AFDN: variants seen among roughly 807,000 people sequenced by gnomAD.
The protein encoded by AFDN is afadin.
Under a neutral mutation model 216.6 loss-of-function variants are expected in AFDN, and 68 were observed. The ratio of observed to expected loss-of-function variants is 0.31; its 90% CI spans 0.26 to 0.38. The LOEUF is 0.38. AFDN is among the 10% of genes least tolerant of loss of function. The pLI, the probability that AFDN is intolerant of heterozygous loss-of-function variation, is 1.00. For missense variants in AFDN, 2,136 were observed against 2,342.0 expected (o/e 0.91, Z 1.82); for synonymous variants, 868 against 853.7 (o/e 1.02, Z -0.29).
chr6:167,923,893 G>T (rs1401605092), intron 22 of AFDN, among the ~76,000 whole-genome samples: 1 of 151,940 alleles, frequency 6.6e-6, no homozygotes, highest in African/African-American at 2.4e-5. Context: ...CCAAAGTGCT[G>T]GGATTACAGG....
intron 2 of AFDN, among the ~76,000 whole-genome samples, chr6:167,867,574 C>T (rs1193618814): frequency 6.6e-6 from 1 of 151,824 alleles, no homozygotes; most frequent in Admixed American, 6.6e-5. Flanking sequence ...GGATTACAGG[C>T]GCCCGCCACC....
rs1794995984 is a variant in AFDN at position 167,944,078 on chromosome 6, A to G, written c.3358+19A>G. 6.3e-7 allele frequency: 1 copy of G among 1,589,258 alleles called. No individual in the cohort carries two copies. Among genetic ancestry groups the G allele is most frequent in the South Asian group, 1.1e-5 (1 of 90,486 alleles). On this transcript the variant is annotated intron_variant, in intron 26 of 33. Transcript: ENST00000683244. ...CAGAGAAGTAAGGACCAGTAGGGAA[A>G]CAACAGTGTTTTACAGTCATGGCCT...
At chr6:167,848,232 C>G (rs1781914728) in intron 1 of AFDN, among the ~76,000 whole-genome samples, 1 of 152,156 alleles carries the variant, frequency 6.6e-6, no homozygotes, top group South Asian at 2.1e-4. Flanking sequence ...AGCAGTGATT[C>G]AGGCATTACA....
intron 6 of AFDN, among the ~76,000 whole-genome samples, chr6:167,884,049 A>G (rs766287400): frequency 1.3e-4 from 20 of 152,230 alleles, no homozygotes; most frequent in Non-Finnish European, 1.8e-4. Context: ...TGTTCACAGC[A>G]TCTTCACCAG....
intron 30 of AFDN, among the ~76,000 whole-genome samples, chr6:167,956,114 CAAAAAAAAAAAAAA>C (rs59521151): frequency 3.4e-4 from 14 of 41,298 alleles, no homozygotes; most frequent in African/African-American, 8.2e-4. Context: ...GACTTTGGCT[CAAAAAAAAAAAAAA>C]AAAAAAAAAA....
At chr6:167,949,978 G>T (rs1165457711) in intron 29 of AFDN, among the ~76,000 whole-genome samples, 1 of 152,196 alleles carries the variant, frequency 6.6e-6, no homozygotes, top group Non-Finnish European at 1.5e-5. Context: ...GCCGGGGCCA[G>T]TGCAAAGTCT....
chr6:167,859,865 T>C (rs1267256376), intron 1 of AFDN, among the ~76,000 whole-genome samples: 1 of 152,050 alleles, frequency 6.6e-6, no homozygotes, highest in African/African-American at 2.4e-5. Context: ...TAAAGCAGTT[T>C]TTCTGTTTCA....
chr6:167,952,773 C>T (rs969358207), intron 30 of AFDN, among the ~76,000 whole-genome samples: 3 of 152,210 alleles, frequency 2.0e-5, no homozygotes, highest in African/African-American at 7.2e-5. Flanking sequence ...ATTACATTTA[C>T]AGTCATTACC....
intron 30 of AFDN, among the ~76,000 whole-genome samples, chr6:167,958,517 G>T (rs572169202): frequency 1.3e-5 from 2 of 152,310 alleles, no homozygotes; most frequent in East Asian, 3.9e-4. Context: ...GCTCAGGTTT[G>T]TCTTGTTAAC....
chr6:167,867,570 C>T (rs1188251954), intron 2 of AFDN, among the ~76,000 whole-genome samples: 1 of 151,888 alleles, frequency 6.6e-6, no homozygotes, highest in African/African-American at 2.4e-5. Context: ...GCTGGGATTA[C>T]AGGCGCCCGC....
chr6:167,951,246 C>G lies in AFDN; in HGVS notation c.3892C>G (p.Arg1298Gly), dbSNP rs531595476. 6.2e-7 allele frequency: 1 copy of G among 1,608,930 alleles called. No individual in the cohort carries two copies. Among genetic ancestry groups the G allele is most frequent in the African/African-American group, 1.3e-5 (1 of 74,774 alleles). ...TAAAGCTTACCAACTTGAGCGGCATCGAATAGAGGCAGCTATGGACCGAAA... is the reference window on the plus strand; with the variant it reads ...TAAAGCTTACCAACTTGAGCGGCATGGAATAGAGGCAGCTATGGACCGAAA... ...EDKAYQLERH[R>G]IEAAMDRKSD... The change falls in exon 30 of 34, where the codon CGA becomes GGA. Residue 1298 changes from arginine (R) to glycine (G), a missense_variant. Arg to Gly is a moderately radical substitution (Grantham distance 125, BLOSUM62 -2). Around this residue, in one of 8 missense-constraint regions of AFDN, gnomAD observed 981 missense variants for 966.0 expected, o/e 1.02. Coordinates refer to ENST00000683244, the MANE Select transcript of AFDN (RefSeq NM_001386888.1). This position sits in a 1 kb window ranked among gnomAD's most constrained non-coding sequence, Gnocchi z 7.1.
chr6:167,913,592 G>A (rs557454560), intron 16 of AFDN, 169 bp downstream of exon 16: 21 of 584,412 alleles, frequency 3.6e-5, no homozygotes, highest in East Asian at 1.8e-4. Flanking sequence ...AACCTTTATC[G>A]GCATTTCATA....
In AFDN at chr6:167,946,776, C is replaced by T. The variant is rs1362634097; in HGVS notation, c.3428C>T (p.Thr1143Ile). The change falls in exon 27 of 34, where the codon ACT becomes ATT. Residue 1143 changes from threonine to isoleucine, a missense_variant. Physicochemically the swap from Thr to Ile is moderately conservative, Grantham distance 89. Transcript: ENST00000683244. ...SEGFELYNNS[T>I]QNGSPESPQL... is the part of the protein sequence containing the mutation. Reference sequence around the variant, plus strand: ...GGCTTTGAGCTCTATAATAATTCAACTCAAAATGGGTCTCCTGAGAGTCCT... The same window carrying T: ...GGCTTTGAGCTCTATAATAATTCAATTCAAAATGGGTCTCCTGAGAGTCCT... 1.9e-6 allele frequency: 3 copies of T among 1,613,884 alleles called. No homozygotes were observed. In the East Asian group the frequency reaches 6.7e-5, roughly 36 times the overall value.
At position 167,962,410 on chromosome 6, in the gene AFDN, G is replaced by T. The variant is rs759631102; in HGVS notation, c.4834-23G>T. On this transcript the variant is annotated intron_variant, in intron 30 of 33. Coordinates refer to ENST00000683244, the MANE Select transcript of AFDN (RefSeq NM_001386888.1). The surrounding 1 kb of genome is among the most constrained non-coding windows in gnomAD (Gnocchi z 5.2). ...TGTGCTGGTGGAGTTTGTGGAGGGA[G>T]ATTAATGTCAGCCTGTTGTTAGTTG... 2 of 1,612,860 alleles carry T rather than the reference G, an allele frequency of 1.2e-6. No homozygotes were observed. The highest frequency in any genetic ancestry group is 3.3e-5 in the Admixed American group (2 of 59,994).
Position 167,891,044 on chromosome 6 carries a change from C to A in AFDN, c.1177+15C>A. 1.3e-6 allele frequency: 2 copies of A among 1,554,926 alleles called. No homozygotes were observed. The highest frequency in any genetic ancestry group is 1.2e-5 in the South Asian group (1 of 81,174). ...GTTAAGCCCAGGTGAGAAAACTGGT[C>A]ACACCAGCACACATTATTAATGTGC... On this transcript the variant is annotated intron_variant, in intron 8 of 33. Coordinates refer to ENST00000683244, the MANE Select transcript of AFDN (RefSeq NM_001386888.1).
chr6:167,934,864 C>T (rs1371444718), intron 23 of AFDN, among the ~76,000 whole-genome samples: 1 of 152,214 alleles, frequency 6.6e-6, no homozygotes, highest in African/African-American at 2.4e-5. Context: ...TCTATAAGCC[C>T]TCTTCTGAAA....
At chr6:167,878,527 T>TA (rs1785680602) in intron 5 of AFDN, among the ~76,000 whole-genome samples, 1 of 152,130 alleles carries the variant, frequency 6.6e-6, no homozygotes, top group African/African-American at 2.4e-5. Context: ...TCCTTAGACA[T>TA]ATGCACGCAG....
In AFDN at chr6:167,952,260, T is replaced by G. The variant is rs761994973; in HGVS notation, c.4833+73T>G. The G allele has an allele frequency of 1.9e-5, 31 of 1,609,572 alleles. 1 individual carries two copies. In the East Asian group the frequency reaches 6.9e-4, roughly 36 times the overall value. The stretch of plus-strand genomic sequence containing the variant: ...AGCTTCTGCGTGTTTCCCATGGGGA[T>G]AGCTAGGCCCCTGATCGTGATAAGG... On this transcript the variant is annotated intron_variant, in intron 30 of 33. Transcript: ENST00000683244.
Position 167,948,299 on chromosome 6 carries a change from A to C in AFDN, c.3652A>C (p.Thr1218Pro). 2.5e-6 allele frequency: 4 copies of C among 1,606,914 alleles called. No individual in the cohort carries two copies. Among genetic ancestry groups the C allele is most frequent in the Non-Finnish European group, 3.4e-6 (4 of 1,176,610 alleles). ...STGNLCTEEQ[T>P]PPPRPEAYPI... ...TGTTCTTCACATTTTACAGGAGCAG[A>C]CGCCTCCGCCTAGACCTGAAGCCTA... is the stretch of plus-strand genomic sequence containing the variant. The change falls in exon 29 of 34, where the codon ACG becomes CCG. Residue 1218 changes from threonine (T) to proline (P), a missense_variant. Physicochemically the swap from Thr to Pro is conservative, Grantham distance 38. Coordinates refer to ENST00000683244, the MANE Select transcript of AFDN (RefSeq NM_001386888.1).
Sources: allele counts gnomAD v4.1 joint callset (sites outside exome capture counted in the v4.1 genomes callset), GRCh38; gene constraint gnomAD v4.1.1; regional missense constraint gnomAD v4.1.1; non-coding constraint Gnocchi (gnomAD v3.1); transcripts MANE v1.5; gene names NCBI Gene and HGNC (gene_info 2026-07-23, HGNC 2026-07-21).